Variants in MFSD6 observed in about 807,000 individuals in gnomAD.
MFSD6 encodes the protein major facilitator superfamily domain containing 6, also known as major facilitator superfamily domain-containing protein 6.
A neutral mutation model predicts 56.3 loss-of-function variants in MFSD6; 26 were observed. The ratio of observed to expected loss-of-function variants is 0.46; its 90% confidence interval spans 0.34 to 0.64. The LOEUF is 0.64. MFSD6 is among the 30% of genes least tolerant of loss of function. The pLI, the probability that MFSD6 is intolerant of heterozygous loss-of-function variation, is 0.01. For synonymous variants in MFSD6, 331 were observed against 366.9 expected, an observed-to-expected ratio of 0.90 and a Z score of 1.12; for missense variants, 750 against 986.2, an observed-to-expected ratio of 0.76 and a Z score of 3.21.
At chr2:190,429,086 A>C (rs12475614) in intron 2 of MFSD6, among the ~76,000 whole-genome samples, 2 of 151,906 alleles carry the variant, frequency 1.3e-5, no homozygotes, top group Non-Finnish European at 2.9e-5. Flanking sequence ...TTTATTGGCC[A>C]TTTGTATAGG....
chr2:190,408,127 G>A (rs2124969627), upstream of MFSD6, among the ~76,000 whole-genome samples: 1 of 152,126 alleles, frequency 6.6e-6, no homozygotes, highest in Non-Finnish European at 1.5e-5. Flanking sequence ...CGCCGCCGCA[G>A]GAGGCGGAGC....
chr2:190,489,639 C>A lies in MFSD6; in HGVS notation c.1793-129C>A. ...TTTTCCATTATGTGGAGCTAATACC[C>A]AACTACTTTTCTCTGGTTTGTCTCA... On this transcript the variant is annotated intron_variant, in intron 5 of 7. Coordinates refer to ENST00000392328, the MANE Select transcript of MFSD6 (RefSeq NM_017694.4). The surrounding 1 kb of genome is among the most constrained non-coding windows in gnomAD (Gnocchi z 6.6). 1.2e-6 allele frequency: 1 copy of A among 802,752 alleles called. No individual in the cohort carries two copies. Among genetic ancestry groups the A allele is most frequent in the South Asian group, 1.8e-5 (1 of 54,176 alleles). 49.7% of individuals were successfully genotyped at this position (802,752 alleles called of 1,614,324 possible).
chr2:190,498,126 G>T lies in MFSD6; in HGVS notation c.2172+407G>T. The T allele has an allele frequency of 6.0e-6, 1 of 167,598 alleles. No individual in the cohort carries two copies. Among genetic ancestry groups the T allele is most frequent in the Non-Finnish European group, 1.3e-5 (1 of 76,314 alleles). The allele number at this position is 167,598 out of a possible 1,614,324, so 10.4% of individuals were successfully genotyped here. A position where few individuals can be genotyped will look rare whatever the true frequency, so the allele number is the denominator to read the frequency against. ...ATTAATTAATCTGAGCCACTGTATG[G>T]GTCTGATAGGACACCTAACTCAGTG... On this transcript the variant is annotated intron_variant, in intron 7 of 7. Transcript: ENST00000392328. This position sits in a 1 kb window ranked among gnomAD's most constrained non-coding sequence, Gnocchi z 5.9.
At position 190,488,793 on chromosome 2, in the gene MFSD6, C is replaced by G. The variant is rs373567382; in HGVS notation, c.1767C>G (p.Ile589Met). ...LGLGRGCGAM[I>M]GGVLVNYFGA... ...TGGGAAGAGGATGTGGTGCCATGAT[C>G]GGAGGCGTGTTAGTCAATTATTTTG... Residue 589 changes from isoleucine to methionine, a missense_variant, in exon 5 of 8, where the codon ATC becomes ATG. Transcript: ENST00000392328. This position sits in a 1 kb window ranked among gnomAD's most constrained non-coding sequence, Gnocchi z 6.4. 6.3e-7 allele frequency: 1 copy of G among 1,591,222 alleles called. No homozygotes were observed. Among genetic ancestry groups the G allele is most frequent in the South Asian group, 1.2e-5 (1 of 86,552 alleles).
In MFSD6 at chr2:190,495,327, C is replaced by A. The variant is rs1689607095; in HGVS notation, c.1892-2112C>A. Among the ~76,000 whole-genome samples, 1 of 152,136 alleles carries A rather than the reference C, an allele frequency of 6.6e-6. No homozygotes were observed. Among genetic ancestry groups the A allele is most frequent in the South Asian group, 2.1e-4 (1 of 4,834 alleles). Reference sequence around the variant, plus strand: ...GACCTCTACAAGGAAAACTACAAAACACTGCTGAAAGAAATCATACATGAC... The same window carrying A: ...GACCTCTACAAGGAAAACTACAAAAAACTGCTGAAAGAAATCATACATGAC... On this transcript the variant is annotated intron_variant, in intron 6 of 7. Coordinates refer to ENST00000392328, the MANE Select transcript of MFSD6 (RefSeq NM_017694.4). The surrounding 1 kb of genome is among the most constrained non-coding windows in gnomAD (Gnocchi z 4.7).
In MFSD6 at chr2:190,466,977, G is replaced by T. The variant is rs576970633; in HGVS notation, c.1533-2781G>T. 7.9e-5 allele frequency among the ~76,000 whole-genome samples: 12 copies of T among 152,266 alleles called. No homozygotes were observed. In the South Asian group the frequency reaches 2.5e-3, roughly 32 times the overall value. ...CCTAAACTGGATCAATTGACACTGGGTTATTTTAAGCCAGGAGTTTTGGAC... is the reference window on the plus strand; with the variant it reads ...CCTAAACTGGATCAATTGACACTGGTTTATTTTAAGCCAGGAGTTTTGGAC... On this transcript the variant is annotated intron_variant, in intron 3 of 7. Transcript: ENST00000392328.
At chr2:190,429,981 T>A (rs1393892641) in intron 2 of MFSD6, among the ~76,000 whole-genome samples, 1 of 152,036 alleles carries the variant, frequency 6.6e-6, no homozygotes, top group Non-Finnish European at 1.5e-5. Context: ...TATCTCCTAA[T>A]GCTATCCCTC....
At position 190,426,571 on chromosome 2, in the gene MFSD6, A is replaced by G. The variant is rs532352630; in HGVS notation, c.-53-9406A>G. On this transcript the variant is annotated intron_variant, in intron 2 of 7. Coordinates refer to ENST00000392328, the MANE Select transcript of MFSD6 (RefSeq NM_017694.4). The surrounding 1 kb of genome is among the most constrained non-coding windows in gnomAD (Gnocchi z 4.7). ...TGGGGATTGGGCTTCTGCTGTACCC[A>G]TCACCCAAATATTGAACATTGTACA... Among the ~76,000 whole-genome samples the G allele has an allele frequency of 1.4e-4, 21 of 152,280 alleles. No homozygotes were observed. In the South Asian group the frequency reaches 4.4e-3, roughly 32 times the overall value.
rs1374815861 is a variant in MFSD6, at chr2:190,499,244, T to A, written c.2173-771T>A. Among the ~76,000 whole-genome samples the A allele has an allele frequency of 6.6e-6, 1 of 152,224 alleles. No individual in the cohort carries two copies. Among genetic ancestry groups the A allele is most frequent in the Non-Finnish European group, 1.5e-5 (1 of 68,046 alleles). ...GGTATGCTGTAGTTATTCTTAGAAG[T>A]CATTATACTAAGTTTCTTTTTCTTT... On this transcript the variant is annotated intron_variant, in intron 7 of 7. Transcript: ENST00000392328. This position sits in a 1 kb window ranked among gnomAD's most constrained non-coding sequence, Gnocchi z 6.0.
At position 190,436,386 on chromosome 2, in the gene MFSD6, C is replaced by T. The variant is rs751943903; in HGVS notation, c.357C>T (p.Pro119=). 2 of 1,614,100 alleles carry T rather than the reference C, an allele frequency of 1.2e-6. No homozygotes were observed. Among genetic ancestry groups the T allele is most frequent in the Non-Finnish European group, 1.7e-6 (2 of 1,180,028 alleles). ...ACTTCATTGAATTCTGCAGTGCCCCCTTTTGGGGTGTAGTTGCAGACCGCT... is the reference window on the plus strand; with the variant it reads ...ACTTCATTGAATTCTGCAGTGCCCCTTTTTGGGGTGTAGTTGCAGACCGCT... ...IRYFIEFCSA[P]FWGVVADRFK... The change falls in exon 3 of 8, where the codon CCC becomes CCT. Residue 119 remains proline, a synonymous_variant. Transcript: ENST00000392328. This position sits in a 1 kb window ranked among gnomAD's most constrained non-coding sequence, Gnocchi z 5.3.
In MFSD6 at chr2:190,413,922, C is replaced by T. The variant is rs1051197677; in HGVS notation, c.-175-1370C>T. Among the ~76,000 whole-genome samples, 5 of 152,116 alleles carry T rather than the reference C, an allele frequency of 3.3e-5. No individual in the cohort carries two copies. The highest frequency in any genetic ancestry group is 5.9e-5 in the Non-Finnish European group (4 of 68,026). ...GGCAGGAGTGGGTCCCTGTGAGTCA[C>T]GCTGGGAATTCTTAACTGTTCAGGG... is the stretch of plus-strand genomic sequence containing the variant. On this transcript the variant is annotated intron_variant, in intron 1 of 7. Coordinates refer to ENST00000392328, the MANE Select transcript of MFSD6 (RefSeq NM_017694.4). The surrounding 1 kb of genome is among the most constrained non-coding windows in gnomAD (Gnocchi z 4.1).
intron 3 of MFSD6, among the ~76,000 whole-genome samples, chr2:190,448,968 G>A (rs1305384658): frequency 6.6e-6 from 1 of 152,200 alleles, no homozygotes; most frequent in Non-Finnish European, 1.5e-5. Flanking sequence ...ATGCATGTGT[G>A]TGCATAGTTA....
chr2:190,497,433 C>G lies in MFSD6; in HGVS notation c.1892-6C>G. ...AAAAATAGTTTAAACATTCTTTTCT[C>G]TCCAGACAAGACAATGTTGGCAGAA... On this transcript the variant is annotated splice_polypyrimidine_tract_variant and splice_region_variant and intron_variant, in intron 6 of 7. Coordinates refer to ENST00000392328, the MANE Select transcript of MFSD6 (RefSeq NM_017694.4). The surrounding 1 kb of genome is among the most constrained non-coding windows in gnomAD (Gnocchi z 5.2). The G allele has an allele frequency of 2.5e-6, 4 of 1,611,756 alleles. No individual in the cohort carries two copies. Among genetic ancestry groups the G allele is most frequent in the Non-Finnish European group, 3.4e-6 (4 of 1,178,350 alleles).
At chr2:190,468,722 G>T (rs969340019) in intron 3 of MFSD6, among the ~76,000 whole-genome samples, 1 of 151,636 alleles carries the variant, frequency 6.6e-6, no homozygotes, top group Admixed American at 6.6e-5. Context: ...GCCTCCCAGG[G>T]TGCTCAGATT....
In MFSD6 at chr2:190,443,115, C is replaced by G. The variant is rs1574117609; in HGVS notation, c.1532+5554C>G. The G allele has an allele frequency of 6.6e-6, 1 of 152,080 alleles. No individual in the cohort carries two copies. Among genetic ancestry groups the G allele is most frequent in the Non-Finnish European group, 1.5e-5 (1 of 68,012 alleles). 9.4% of individuals were successfully genotyped at this position (152,080 alleles called of 1,614,324 possible). A position where few individuals can be genotyped will look rare whatever the true frequency, so the allele number is the denominator to read the frequency against. ...TTAGCAGCAATGGACTTTCTGAGCA[C>G]CCCCCAATATCATCACCTGAGCCAG... On this transcript the variant is annotated intron_variant, in intron 3 of 7. Transcript: ENST00000392328. This position sits in a 1 kb window ranked among gnomAD's most constrained non-coding sequence, Gnocchi z 4.2.
Position 190,424,727 on chromosome 2 carries a change from G to A in MFSD6, c.-54+9314G>A, listed in dbSNP as rs1333806225. On this transcript the variant is annotated intron_variant, in intron 2 of 7. Transcript: ENST00000392328. This position sits in a 1 kb window ranked among gnomAD's most constrained non-coding sequence, Gnocchi z 5.9. The stretch of plus-strand genomic sequence containing the variant: ...ACCATTGAATTTTTTTTGCATCTTT[G>A]TTAAAAAACAGTTGGGCATATTTGG... Among the ~76,000 whole-genome samples the A allele has an allele frequency of 6.6e-6, 1 of 151,918 alleles. No homozygotes were observed. The highest frequency in any genetic ancestry group is 2.4e-5 in the African/African-American group (1 of 41,364).
intron 4 of MFSD6, among the ~76,000 whole-genome samples, chr2:190,476,082 A>C (rs1189942205): frequency 6.6e-6 from 1 of 152,208 alleles, no homozygotes; most frequent in Non-Finnish European, 1.5e-5. Context: ...TAAAGACTTA[A>C]ATGTTAGACC....
At chr2:190,480,785 C>T (rs753547643) in intron 4 of MFSD6, among the ~76,000 whole-genome samples, 3 of 152,162 alleles carry the variant, frequency 2.0e-5, no homozygotes, top group Non-Finnish European at 4.4e-5. Flanking sequence ...GTATTAAATA[C>T]ACTAATCCAT....
In MFSD6 at chr2:190,482,868, CTTTTTTTTTTTTTTTT is replaced by C. The variant is rs199927176; in HGVS notation, c.1631-5769_1631-5754del. ...GGAGAAGAGTTATTAAGACTATCAT[CTTTTTTTTTTTTTTTT>C]TTTTTTTTTTTTTTTTTTTAGACGG... On this transcript the variant is annotated intron_variant, in intron 4 of 7. Transcript: ENST00000392328. Among the ~76,000 whole-genome samples the C allele has an allele frequency of 5.7e-3, 274 of 48,288 alleles. 3 individuals are homozygous for C. Among genetic ancestry groups the C allele is most frequent in the Middle Eastern group, 8.9e-3 (1 of 112 alleles). 31.7% of individuals were successfully genotyped at this position (48,288 alleles called of 152,430 possible). A position where few individuals can be genotyped will look rare whatever the true frequency, so the allele number is the denominator to read the frequency against.
Sources: allele counts gnomAD v4.1 joint callset (sites outside exome capture counted in the v4.1 genomes callset), GRCh38; gene constraint gnomAD v4.1.1; non-coding constraint Gnocchi (gnomAD v3.1); transcripts MANE v1.5; gene names NCBI Gene and HGNC (gene_info 2026-07-23, HGNC 2026-07-21).